SENP7: variants seen among roughly 807,000 people sequenced by gnomAD.
SENP7 encodes the protein sentrin-specific protease 7.
SENP7 carries 64 observed loss-of-function variants against 141.2 expected under a neutral mutation model. The observed-to-expected ratio is 0.45, with a 90% confidence interval of 0.37 to 0.56. The LOEUF is 0.56. Ranked by LOEUF, SENP7 falls within the 20% of genes least tolerant of loss-of-function variation. SENP7 has a pLI of 0.00. For missense variants in SENP7, 1,025 were observed against 1,212.2 expected, an observed-to-expected ratio of 0.85 and a Z score of 2.29; for synonymous variants, 382 against 426.4, an observed-to-expected ratio of 0.90 and a Z score of 1.28.
intron 17 of SENP7, among the ~76,000 whole-genome samples, chr3:101,333,473 G>A (rs2059108349): frequency 6.6e-6 from 1 of 152,146 alleles, no homozygotes. Flanking sequence ...GTTTGAGGCT[G>A]TGATCACACC....
At chr3:101,446,971 T>C (rs1472083328) in intron 4 of SENP7, among the ~76,000 whole-genome samples, 1 of 151,214 alleles carries the variant, frequency 6.6e-6, no homozygotes, top group Admixed American at 6.6e-5. Context: ...GTTGACATTG[T>C]GCAAAAATAA....
chr3:101,463,378 T>TATATATATAC (rs1553744684), intron 3 of SENP7, among the ~76,000 whole-genome samples: 8 of 84,404 alleles, frequency 9.5e-5, no homozygotes, highest in Non-Finnish European at 1.1e-4. Flanking sequence ...TATATATATA[T>TATATATATAC]ATATATATAT....
chr3:101,465,963 A>G (rs778848496), intron 3 of SENP7, among the ~76,000 whole-genome samples: 20 of 152,186 alleles, frequency 1.3e-4, no homozygotes, highest in Non-Finnish European at 2.9e-5. Flanking sequence ...AAAACGTCCT[A>G]CAACTGAAGA....
chr3:101,387,002 A>G (rs1212925992), intron 6 of SENP7, among the ~76,000 whole-genome samples: 2 of 152,192 alleles, frequency 1.3e-5, no homozygotes, highest in Non-Finnish European at 2.9e-5. Context: ...CTGGGAATCA[A>G]TGGACCCTAA....
At chr3:101,445,087 A>G (rs948511963) in intron 4 of SENP7, among the ~76,000 whole-genome samples, 1 of 152,170 alleles carries the variant, frequency 6.6e-6, no homozygotes, top group Non-Finnish European at 1.5e-5. Flanking sequence ...AAAAATAGCA[A>G]GAGAAGAGCA....
chr3:101,508,134 T>C (rs1042771825), intron 1 of SENP7, among the ~76,000 whole-genome samples: 3 of 151,688 alleles, frequency 2.0e-5, no homozygotes, highest in African/African-American at 7.3e-5. Flanking sequence ...CTTTCCAACA[T>C]GTCTAGAATA....
At chr3:101,405,080 G>A (rs759052070) in intron 5 of SENP7, among the ~76,000 whole-genome samples, 1 of 152,200 alleles carries the variant, frequency 6.6e-6, no homozygotes, top group Non-Finnish European at 1.5e-5. Context: ...AGAGCAGCAT[G>A]TGGAAGCTCG....
At chr3:101,487,325 G>T (rs991936168) in intron 3 of SENP7, among the ~76,000 whole-genome samples, 1 of 151,830 alleles carries the variant, frequency 6.6e-6, no homozygotes, top group Admixed American at 6.6e-5. Flanking sequence ...TAAGGTTATT[G>T]GTTTTTCATT....
chr3:101,511,705 T>C (rs556230380), intron 1 of SENP7, among the ~76,000 whole-genome samples: 1 of 152,388 alleles, frequency 6.6e-6, no homozygotes, highest in Admixed American at 6.5e-5. Flanking sequence ...CTTCAAGCAG[T>C]GTCCCCAGAG....
intron 1 of SENP7, among the ~76,000 whole-genome samples, chr3:101,508,271 A>G (rs887089161): frequency 3.3e-5 from 5 of 151,976 alleles, no homozygotes; most frequent in East Asian, 1.9e-4. Flanking sequence ...AAACTTCTAC[A>G]TATCTCCATT....
intron 23 of SENP7, among the ~76,000 whole-genome samples, chr3:101,326,389 T>C (rs182702746): frequency 1.6e-3 from 245 of 152,184 alleles, no homozygotes; most frequent in African/African-American, 4.7e-3. Flanking sequence ...CCAAAATGTG[T>C]ACTGTATTTT....
At chr3:101,437,525 A>T (rs921671317) in intron 4 of SENP7, among the ~76,000 whole-genome samples, 3 of 152,150 alleles carry the variant, frequency 2.0e-5, no homozygotes, top group African/African-American at 7.2e-5. Context: ...AAAAATTTTT[A>T]AATGATTTTA....
At chr3:101,393,888 T>C (rs1030015324) in intron 6 of SENP7, among the ~76,000 whole-genome samples, 3 of 152,210 alleles carry the variant, frequency 2.0e-5, no homozygotes, top group Non-Finnish European at 2.9e-5. Flanking sequence ...ATTTGGTACA[T>C]GCACAGAATG....
At chr3:101,348,115 T>G in intron 12 of SENP7, 64 bp from the exon 13 acceptor site, 1 of 1,099,730 alleles carries the variant, frequency 9.1e-7, no homozygotes, top group African/African-American at 1.6e-5. Context: ...CACTTAAACA[T>G]TATATGACAC....
rs2065865828 is a variant in SENP7 at position 101,511,730 on chromosome 3, T to C, written c.40+1361A>G. Reference sequence around the variant, plus strand: ...TGTCCCCAGAGATCCATAATCACTCTCCTTTGCAATTAAGGCTGAAAGCAG... The same window carrying C: ...TGTCCCCAGAGATCCATAATCACTCCCCTTTGCAATTAAGGCTGAAAGCAG... On this transcript the variant is annotated intron_variant, in intron 1 of 23. Transcript: ENST00000394095. Among the ~76,000 whole-genome samples, 5 of 152,220 alleles carry C rather than the reference T, an allele frequency of 3.3e-5. 1 individual carries two copies. The South Asian group carries it at 1.0e-3, about 32-fold the overall frequency.
chr3:101,374,575 A>G (rs2060266911), intron 6 of SENP7, among the ~76,000 whole-genome samples: 1 of 150,506 alleles, frequency 6.6e-6, no homozygotes, highest in South Asian at 2.1e-4. Flanking sequence ...GGGGAACATA[A>G]TTCATTATGG....
intron 16 of SENP7, among the ~76,000 whole-genome samples, chr3:101,338,139 CGA>C (rs2107166968): frequency 7.0e-6 from 1 of 143,806 alleles, no homozygotes; most frequent in East Asian, 2.1e-4. Context: ...GGTGACACAG[CGA>C]GACTCTGTCT....
At chr3:101,364,686 C>T in intron 10 of SENP7, 148 bp downstream of exon 10, 1 of 512,562 alleles carries the variant, frequency 2.0e-6, no homozygotes. Flanking sequence ...ACGTATTTCA[C>T]TCAAACTACT....
At chr3:101,347,227 A>C (rs1228529410) in intron 13 of SENP7, 1 of 152,192 alleles carries the variant, frequency 6.6e-6, no homozygotes, top group Non-Finnish European at 1.5e-5. Flanking sequence ...GTCTCAAACA[A>C]AAAGAAAAAA....
Sources: allele counts gnomAD v4.1 joint callset (sites outside exome capture counted in the v4.1 genomes callset), GRCh38; gene constraint gnomAD v4.1.1; transcripts MANE v1.5; gene names NCBI Gene and HGNC (gene_info 2026-07-23, HGNC 2026-07-21).